Variants in SPEF2 observed in about 807,000 individuals in gnomAD.
SPEF2 encodes the protein sperm flagellar and cilia associated 2, also known as sperm flagella and cilia-associated protein 2.
SPEF2 carries 187 observed loss-of-function variants against 224.6 expected under a neutral mutation model. The observed-to-expected ratio is 0.83, with a 90% CI of 0.74 to 0.94. The LOEUF (loss-of-function observed/expected upper bound fraction) is 0.94. SPEF2 is among the 40% of genes least tolerant of loss of function. SPEF2 has a pLI of 0.00. For missense variants in SPEF2, 2,170 were observed against 2,135.6 expected (o/e 1.02, Z -0.32); for synonymous variants, 715 against 707.3 (o/e 1.01, Z -0.17).
chr5:35,709,936 C>T (rs7447772), intron 19 of SPEF2: 767,490 of 984,640 alleles, frequency 0.78, 299,918 homozygotes, highest in Middle Eastern at 0.82. Context: ...TGTGTCATGA[C>T]CACATTTCTA....
At chr5:35,805,042 T>C (rs1461016718) in intron 34 of SPEF2, among the ~76,000 whole-genome samples, 2 of 152,196 alleles carry the variant, frequency 1.3e-5, no homozygotes, top group African/African-American at 4.8e-5. Context: ...AATGCAATAA[T>C]CCCCAAGATT....
intron 34 of SPEF2, among the ~76,000 whole-genome samples, chr5:35,806,457 G>A (rs1758072640): frequency 6.6e-6 from 1 of 152,216 alleles, no homozygotes. Flanking sequence ...GCCCAAGAAT[G>A]TATGAAGTTG....
At chr5:35,649,654 A>T (rs1373340231) in intron 6 of SPEF2, among the ~76,000 whole-genome samples, 1 of 152,148 alleles carries the variant, frequency 6.6e-6, no homozygotes. Flanking sequence ...AAGTTGATTT[A>T]TTTTTCTGTG....
Position 35,642,470 on chromosome 5 carries a change from C to T in SPEF2, c.414+787C>T, listed in dbSNP as rs143115429. ...TTCTCACTCTCTTGGTTTTACCGTC[C>T]TGATACTGATATTGTTGGCTAACTA... is the stretch of plus-strand genomic sequence containing the variant. On this transcript the variant is annotated intron_variant, in intron 3 of 36. Transcript: ENST00000356031. Among the ~76,000 whole-genome samples the T allele has an allele frequency of 1.9e-3, 294 of 152,284 alleles. 2 individuals carry two copies. The highest frequency in any genetic ancestry group is 6.7e-3 in the African/African-American group (278 of 41,552).
chr5:35,628,561 A>G lies in SPEF2; in HGVS notation c.160A>G (p.Arg54Gly). The change falls in exon 2 of 37, where the codon AGG (arginine) becomes GGG (glycine). Residue 54 changes from arginine (R) to glycine (G), a missense_variant and splice_region_variant. Coordinates refer to ENST00000356031, the MANE Select transcript of SPEF2 (RefSeq NM_024867.4). The stretch of plus-strand genomic sequence containing the variant: ...TGATTTTTCAGAATTTTTGGACAGC[A>G]GGTTAGTGAGATTATTCCTTTTTGT... ...QDDFSEFLDS[R>G]VSSAKLNNFS... 1.3e-6 allele frequency: 2 copies of G among 1,594,938 alleles called. No individual in the cohort carries two copies. Among genetic ancestry groups the G allele is most frequent in the Non-Finnish European group, 1.7e-6 (2 of 1,162,974 alleles).
chr5:35,807,962 C>G (rs1474216078), intron 36 of SPEF2: 15 of 1,376,238 alleles, frequency 1.1e-5, no homozygotes, highest in African/African-American at 1.5e-5. Flanking sequence ...CGAAGTCTCC[C>G]TGTTTGACTC....
intron 19 of SPEF2, among the ~76,000 whole-genome samples, chr5:35,712,317 A>AG (rs1380449525): frequency 1.3e-5 from 2 of 151,868 alleles, no homozygotes; most frequent in Admixed American, 1.3e-4. Flanking sequence ...CCATACTCAA[A>AG]CTCCTGGGCT....
At chr5:35,618,097 G>C in intron 1 of SPEF2, 42 bp downstream of exon 1, 1 of 1,555,350 alleles carries the variant, frequency 6.4e-7, no homozygotes, top group Non-Finnish European at 8.7e-7. Flanking sequence ...AGGGGCTAGC[G>C]GGGCGCAGAG....
At chr5:35,792,954 G>C (rs1400718412) in intron 31 of SPEF2, among the ~76,000 whole-genome samples, 1 of 152,108 alleles carries the variant, frequency 6.6e-6, no homozygotes, top group African/African-American at 2.4e-5. Context: ...CAAATGTCAA[G>C]GAAGCAAAAA....
intron 7 of SPEF2, among the ~76,000 whole-genome samples, chr5:35,658,066 C>T (rs1322384478): frequency 6.6e-6 from 1 of 152,148 alleles, no homozygotes; most frequent in Non-Finnish European, 1.5e-5. Context: ...ATAGATACCT[C>T]CTCTTTCCAC....
chr5:35,776,510 CT>C, intron 29 of SPEF2, 115 bp downstream of exon 29: 1 of 1,215,682 alleles, frequency 8.2e-7, no homozygotes, highest in Non-Finnish European at 1.1e-6. Flanking sequence ...AAATTTTGGC[CT>C]TTTAGGAAAT....
rs982804247 is a variant in SPEF2 at position 35,781,773 on chromosome 5, T to C, written c.4447+2427T>C. 3 of 152,198 alleles carry C rather than the reference T, an allele frequency of 2.0e-5. No individual in the cohort carries two copies. In the South Asian group the frequency reaches 6.2e-4, roughly 32 times the overall value. The allele number at this position is 152,198 out of a possible 1,614,324, so 9.4% of individuals were successfully genotyped here. On this transcript the variant is annotated intron_variant, in intron 30 of 36. Transcript: ENST00000356031. Reference sequence around the variant, plus strand: ...AGCTCAATTATACCATTTGAAAAAATATATATTGCATATATTGCTTTTTAG... The same window carrying C: ...AGCTCAATTATACCATTTGAAAAAACATATATTGCATATATTGCTTTTTAG...
At chr5:35,626,820 A>T (rs1561091255) in intron 1 of SPEF2, among the ~76,000 whole-genome samples, 1 of 152,204 alleles carries the variant, frequency 6.6e-6, no homozygotes, top group Non-Finnish European at 1.5e-5. Flanking sequence ...GGTATCAGAC[A>T]TGCAAAAAGT....
At chr5:35,783,286 T>A (rs1310919543) in intron 30 of SPEF2, among the ~76,000 whole-genome samples, 1 of 152,224 alleles carries the variant, frequency 6.6e-6, no homozygotes, top group Non-Finnish European at 1.5e-5. Flanking sequence ...CTTTCTCAAG[T>A]TCACCTCTTG....
chr5:35,720,201 C>T (rs1422160027), intron 20 of SPEF2, among the ~76,000 whole-genome samples: 2 of 152,216 alleles, frequency 1.3e-5, no homozygotes, highest in Non-Finnish European at 2.9e-5. Flanking sequence ...GAGAAACAAA[C>T]ATGCTCCAAA....
At chr5:35,772,002 T>C (rs1266464328) in intron 27 of SPEF2, among the ~76,000 whole-genome samples, 1 of 152,156 alleles carries the variant, frequency 6.6e-6, no homozygotes, top group Non-Finnish European at 1.5e-5. Context: ...CAAAGACAGT[T>C]TTGAAATGTT....
chr5:35,761,071 A>G (rs1360064236), intron 25 of SPEF2, among the ~76,000 whole-genome samples: 1 of 152,180 alleles, frequency 6.6e-6, no homozygotes, highest in African/African-American at 2.4e-5. Context: ...CTCCAAGGGG[A>G]TAAGCTATAT....
At chr5:35,806,105 C>G (rs1371285524) in intron 34 of SPEF2, among the ~76,000 whole-genome samples, 1 of 152,138 alleles carries the variant, frequency 6.6e-6, no homozygotes, top group African/African-American at 2.4e-5. Context: ...TACATTCAGG[C>G]TTTTGATACA....
In SPEF2 at chr5:35,727,954, T is replaced by C. The variant is rs1174063993; in HGVS notation, c.3063+131T>C. 8 of 905,248 alleles carry C rather than the reference T, an allele frequency of 8.8e-6. No individual in the cohort carries two copies. In the Admixed American group the frequency reaches 1.3e-4, roughly 15 times the overall value. 56.1% of individuals were successfully genotyped at this position (905,248 alleles called of 1,614,324 possible). ...TATATATCTATCCATCTGAGATTTT[T>C]TTTAGAGACTACTCAATGACCCATA... On this transcript the variant is annotated intron_variant, in intron 21 of 36. Coordinates refer to ENST00000356031, the MANE Select transcript of SPEF2 (RefSeq NM_024867.4).
Sources: gnomAD v4.1 joint callset for allele counts (sites outside exome capture counted in the v4.1 genomes callset) on GRCh38, gnomAD v4.1.1 for gene constraint, MANE v1.5 for transcripts, NCBI Gene and HGNC (gene_info 2026-07-23, HGNC 2026-07-21) for gene names.